PIN4: variants seen among roughly 807,000 people sequenced by gnomAD.
PIN4 encodes peptidyl-prolyl cis-trans isomerase NIMA-interacting 4.
In PIN4, 3 loss-of-function variants were observed where a neutral mutation model predicts 8.3. The observed-to-expected ratio is 0.36, with a 90% CI of 0.16 to 0.93. The LOEUF is 0.93. PIN4 is among the 40% of genes least tolerant of loss of function. The pLI, the probability that PIN4 is intolerant of heterozygous loss-of-function variation, is 0.44. For missense variants in PIN4, 75 were observed against 100.6 expected (o/e 0.75, Z 1.09); for synonymous variants, 18 against 32.5 (o/e 0.55, Z 1.52).
chrX:72,203,719 A>G lies in PIN4; in HGVS notation c.312+6815A>G, dbSNP rs770016544. On this transcript the variant is annotated intron_variant, in intron 3 of 3. Transcript: ENST00000423432. The stretch of plus-strand genomic sequence containing the variant: ...CCACAGGGAAGTCACGGCCTCACTG[A>G]TCACTGAGCCTGTTTCCTCACATGA... 4.5e-5 allele frequency among the ~76,000 whole-genome samples: 5 copies of G among 111,889 alleles called. No individual in the cohort carries two copies. The East Asian group carries it at 1.4e-3, about 31-fold the overall frequency.
chrX:72,207,730 T>G lies in PIN4; in HGVS notation c.312+10826T>G, dbSNP rs149128529. 4 of 1,211,766 alleles carry G rather than the reference T, an allele frequency of 3.3e-6. No individual in the cohort carries two copies. The Admixed American group carries it at 8.7e-5, about 26-fold the overall frequency. On this transcript the variant is annotated intron_variant, in intron 3 of 3. Coordinates refer to the PIN4 transcript ENST00000423432. The stretch of plus-strand genomic sequence containing the variant: ...GGCATCAACATCTGGATTCTTTTCA[T>G]TAAGTCTGGCCTCTGGGTTGCTTGA...
rs761255706 is a variant in PIN4, at chrX:72,259,724, CTTTTT to C, written c.313-2963_313-2959del. 2.9e-5 allele frequency among the ~76,000 whole-genome samples: 2 copies of C among 69,045 alleles called. 1 individual carries two copies. The highest frequency in any genetic ancestry group is 1.2e-3 in the East Asian group (2 of 1,675). The allele number at this position is 69,045 out of a possible 115,157, so 60.0% of individuals were successfully genotyped here. On this transcript the variant is annotated intron_variant, in intron 3 of 3. Transcript: ENST00000423432. ...GGTACTCTGGCACAGAGGCCATATCCTTTTTTTTTTTTTTTTTTTTTTTTGAGACA... is the reference window on the plus strand; with the variant it reads ...GGTACTCTGGCACAGAGGCCATATCCTTTTTTTTTTTTTTTTTTTGAGACA...
At chrX:72,183,696 T>C (rs916421032) in intron 1 of PIN4, among the ~76,000 whole-genome samples, 36 of 112,008 alleles carry the variant, frequency 3.2e-4, no homozygotes, top group African/African-American at 1.1e-3. Context: ...GGAAATGGGA[T>C]GGTAGATAGA....
At chrX:72,250,390 A>C (rs1221330415) in intron 3 of PIN4, among the ~76,000 whole-genome samples, 2 of 110,971 alleles carry the variant, frequency 1.8e-5, no homozygotes, top group Non-Finnish European at 3.8e-5. Flanking sequence ...TGATCCCAGG[A>C]GTTCAAGACC....
intron 3 of PIN4, among the ~76,000 whole-genome samples, chrX:72,219,058 C>A (rs190310189): frequency 8.9e-6 from 1 of 112,216 alleles, no homozygotes; most frequent in East Asian, 2.8e-4. Context: ...GAGTTCGAGA[C>A]CTGCCTGGCC....
chrX:72,204,534 A>G (rs2042804791), intron 3 of PIN4: 1 of 112,881 alleles, frequency 8.9e-6, no homozygotes, highest in Non-Finnish European at 1.9e-5. Flanking sequence ...GCACTCAGAA[A>G]TTTTCCCCAT....
At chrX:72,233,461 C>T (rs2042997198) in intron 3 of PIN4, among the ~76,000 whole-genome samples, 1 of 111,470 alleles carries the variant, frequency 9.0e-6, no homozygotes, top group Non-Finnish European at 1.9e-5. Flanking sequence ...TGGTAGCTCA[C>T]GCCTGTAATC....
intron 3 of PIN4, among the ~76,000 whole-genome samples, chrX:72,226,298 C>T (rs974216628): frequency 8.9e-6 from 1 of 111,761 alleles, no homozygotes; most frequent in Non-Finnish European, 1.9e-5. Flanking sequence ...AAAACCCTTC[C>T]CTCCAAGCAG....
rs141815830 is a variant in PIN4, at chrX:72,182,874, G to A, written c.43+1046G>A. 5.6e-3 allele frequency among the ~76,000 whole-genome samples: 622 copies of A among 111,578 alleles called. 1 individual carries two copies. The highest frequency in any genetic ancestry group is 8.8e-3 in the Non-Finnish European group (468 of 53,133). On this transcript the variant is annotated intron_variant, in intron 1 of 3. Coordinates refer to ENST00000373669, the MANE Select transcript of PIN4 (RefSeq NM_006223.4). ...CTCAAGGCAGAATGGCAAGTGGTGA[G>A]AATGAAAACAGAAACAAAGACGAGA...
At chrX:72,205,553 CTGGTGGA>C (rs1461455373) in intron 3 of PIN4, 1 of 1,211,020 alleles carries the variant, frequency 8.3e-7, no homozygotes, top group Admixed American at 2.2e-5. Context: ...AAGAACCTTC[CTGGTGGA>C]CTGATGTCAT....
At chrX:72,195,092 C>G (rs1223183341) in intron 2 of PIN4, among the ~76,000 whole-genome samples, 4 of 112,248 alleles carry the variant, frequency 3.6e-5, no homozygotes, top group African/African-American at 1.3e-4. Context: ...ACTCATTTCT[C>G]ATGTTTCCCT....
chrX:72,219,847 C>CAA (rs55860938), intron 3 of PIN4, among the ~76,000 whole-genome samples: 31 of 64,946 alleles, frequency 4.8e-4, no homozygotes, highest in East Asian at 8.5e-4. Flanking sequence ...GACTCCGTCT[C>CAA]AAAAAAAAAA....
At chrX:72,212,737 T>G (rs2042862914) in intron 3 of PIN4, among the ~76,000 whole-genome samples, 1 of 111,798 alleles carries the variant, frequency 8.9e-6, no homozygotes, top group Admixed American at 9.5e-5. Context: ...GCCCAGGAGT[T>G]TGAGACTAGC....
At chrX:72,203,664 T>C (rs1230008287) in intron 3 of PIN4, among the ~76,000 whole-genome samples, 1 of 111,689 alleles carries the variant, frequency 9.0e-6, no homozygotes, top group Non-Finnish European at 1.9e-5. Context: ...TTACACAAGG[T>C]TAAAAATCGG....
intron 2 of PIN4, among the ~76,000 whole-genome samples, chrX:72,195,856 C>T (rs759651398): frequency 1.8e-5 from 2 of 111,136 alleles, no homozygotes; most frequent in African/African-American, 3.3e-5. Flanking sequence ...TGGTGGCTGA[C>T]GCCTGTAATC....
intron 3 of PIN4, among the ~76,000 whole-genome samples, chrX:72,222,700 C>T (rs1393109123): frequency 9.3e-6 from 1 of 107,424 alleles, no homozygotes; most frequent in African/African-American, 3.4e-5. Flanking sequence ...CAGGTTCAAG[C>T]GATTCTCCTG....
chrX:72,244,859 T>A (rs113191273), intron 3 of PIN4, among the ~76,000 whole-genome samples: 1 of 106,916 alleles, frequency 9.4e-6, no homozygotes, highest in Non-Finnish European at 1.9e-5. Context: ...GGTGGGAGGA[T>A]CACTTGAGCC....
intron 2 of PIN4, 101 bp from the exon 3 acceptor site, chrX:72,196,684 G>GTT: frequency 2.2e-5 from 14 of 639,925 alleles, no homozygotes; most frequent in East Asian, 3.9e-5. Context: ...GAACTAATGT[G>GTT]TTTTTTTTTT....
chrX:72,220,626 A>G (rs5958800), intron 3 of PIN4, among the ~76,000 whole-genome samples: 50,911 of 107,676 alleles, frequency 0.47, 12,013 homozygotes, highest in East Asian at 0.98. Flanking sequence ...CCCTCTGGCC[A>G]GAAAGATGTC....
Sources: allele counts gnomAD v4.1 joint callset (sites outside exome capture counted in the v4.1 genomes callset), GRCh38; gene constraint gnomAD v4.1.1; transcripts MANE v1.5; gene names NCBI Gene and HGNC (gene_info 2026-07-23, HGNC 2026-07-21).